The following NRXN1 variants were observed in gnomAD, a reference collection of about 807,000 sequenced individuals.
The protein encoded by NRXN1 is neurexin-1.
A neutral mutation model predicts 150.9 loss-of-function variants in NRXN1; 39 were observed. The ratio of observed to expected loss-of-function variants is 0.26; its 90% confidence interval spans 0.20 to 0.34. NRXN1 has a LOEUF of 0.34. Ranked by LOEUF, NRXN1 falls within the 10% of genes least tolerant of loss-of-function variation. The pLI is 1.00. For synonymous variants in NRXN1, 924 were observed against 757.0 expected (o/e 1.22, Z -3.62); for missense variants, 1,815 against 1,949.9 (o/e 0.93, Z 1.30).
In NRXN1 at chr2:50,260,615, CT is replaced by C. The variant is rs1043417319; in HGVS notation, c.3365-23646del. Among the ~76,000 whole-genome samples, 514 of 123,816 alleles carry C rather than the reference CT, an allele frequency of 4.2e-3. 2 individuals carry two copies. Among genetic ancestry groups the C allele is most frequent in the African/African-American group, 0.012 (399 of 33,300 alleles). 81.2% of individuals were successfully genotyped at this position (123,816 alleles called of 152,430 possible). A position where few individuals can be genotyped will look rare whatever the true frequency, so the allele number is the denominator to read the frequency against. On this transcript the variant is annotated intron_variant, in intron 17 of 22. Transcript: ENST00000401669. Reference sequence around the variant, plus strand: ...ACACCGATGACAAAAGAAGTTCAAGCTTTTTTTTTTTCCGTTTTTTTTTTTT... The same window carrying C: ...ACACCGATGACAAAAGAAGTTCAAGCTTTTTTTTTTCCGTTTTTTTTTTTT...
chr2:50,429,280 G>A (rs924619190), intron 17 of NRXN1, among the ~76,000 whole-genome samples: 2 of 151,518 alleles, frequency 1.3e-5, no homozygotes, highest in African/African-American at 2.4e-5. Context: ...CTTTTGAGAC[G>A]GAGTCCTACT....
intron 5 of NRXN1, among the ~76,000 whole-genome samples, chr2:50,645,834 G>A (rs948636650): frequency 9.2e-5 from 14 of 151,966 alleles, no homozygotes; most frequent in South Asian, 4.2e-4. Context: ...ATGTAAGATC[G>A]AGAATAGCTT....
intron 5 of NRXN1, among the ~76,000 whole-genome samples, chr2:50,748,148 G>A (rs1700210405): frequency 6.6e-6 from 1 of 152,180 alleles, no homozygotes; most frequent in Non-Finnish European, 1.5e-5. Context: ...GATATCAGAG[G>A]TCACACCTCT....
At chr2:50,988,421 A>G (rs1222940479) in intron 2 of NRXN1, among the ~76,000 whole-genome samples, 3 of 151,970 alleles carry the variant, frequency 2.0e-5, no homozygotes, top group African/African-American at 2.4e-5. Context: ...GACAAACTAG[A>G]CAGTTTTGTT....
At chr2:50,619,028 T>A (rs1038710274) in intron 8 of NRXN1, 1 of 152,118 alleles carries the variant, frequency 6.6e-6, no homozygotes, top group Non-Finnish European at 1.5e-5. Context: ...TCAACCAGTA[T>A]GTTCACATAA....
intron 5 of NRXN1, among the ~76,000 whole-genome samples, chr2:50,818,192 G>GT (rs369379043): frequency 0.089 from 12,091 of 135,708 alleles, 591 homozygotes; most frequent in Middle Eastern, 0.17. Flanking sequence ...AAAAACAATT[G>GT]TTTTTTTTTT....
chr2:50,112,435 CAG>C (rs1558903666), intron 18 of NRXN1, among the ~76,000 whole-genome samples: 1 of 152,224 alleles, frequency 6.6e-6, no homozygotes, highest in East Asian at 1.9e-4. Context: ...CTCCGGTAGA[CAG>C]AGACAAATCC....
intron 5 of NRXN1, among the ~76,000 whole-genome samples, chr2:50,766,662 T>A (rs1002760329): frequency 2.7e-4 from 41 of 152,144 alleles, no homozygotes; most frequent in African/African-American, 7.7e-4. Context: ...TGCACTGCTA[T>A]CCTACCACAG....
chr2:50,632,331 T>A (rs1300626587), intron 5 of NRXN1: 1 of 152,000 alleles, frequency 6.6e-6, no homozygotes, highest in Non-Finnish European at 1.5e-5. Flanking sequence ...TAGAATGTAT[T>A]TTTTTAATAT....
chr2:50,308,079 C>T lies in NRXN1; in HGVS notation c.3365-71109G>A, dbSNP rs567629134. ...TAGTCACAGTCACAGTTACCAGTTA[C>T]GGTTACCTTTTTTTGTTGTTGTTGT... On this transcript the variant is annotated intron_variant, in intron 17 of 22. Transcript: ENST00000401669. Among the ~76,000 whole-genome samples the T allele has an allele frequency of 1.3e-4, 20 of 152,196 alleles. No homozygotes were observed. In the East Asian group the frequency reaches 2.7e-3, roughly 21 times the overall value.
chr2:50,471,009 A>C (rs931737092), intron 16 of NRXN1, among the ~76,000 whole-genome samples: 5 of 151,812 alleles, frequency 3.3e-5, no homozygotes, highest in Admixed American at 6.6e-5. Flanking sequence ...TGCCAGGTAC[A>C]CACCAACTGA....
chr2:50,685,382 A>AGG, intron 5 of NRXN1, among the ~76,000 whole-genome samples: 2 of 152,160 alleles, frequency 1.3e-5, no homozygotes, highest in Non-Finnish European at 2.9e-5. Context: ...ATCTGACCTT[A>AGG]CTGCCATATC....
intron 5 of NRXN1, among the ~76,000 whole-genome samples, chr2:50,624,047 T>C (rs954781310): frequency 1.3e-5 from 2 of 152,116 alleles, no homozygotes; most frequent in Admixed American, 1.3e-4. Context: ...TGGTTTTTTG[T>C]CCTTGAGATA....
intron 17 of NRXN1, among the ~76,000 whole-genome samples, chr2:50,290,095 T>C (rs934840220): frequency 2.0e-5 from 3 of 152,172 alleles, no homozygotes; most frequent in African/African-American, 7.2e-5. Flanking sequence ...CCAGACATTT[T>C]ATCTACTTCA....
chr2:50,555,663 C>A (rs1325479532), intron 8 of NRXN1, among the ~76,000 whole-genome samples: 1 of 152,154 alleles, frequency 6.6e-6, no homozygotes, highest in Non-Finnish European at 1.5e-5. Context: ...TCTTCCTTCA[C>A]CTTTTTAAAC....
At chr2:50,278,991 C>T (rs1408320296) in intron 17 of NRXN1, among the ~76,000 whole-genome samples, 1 of 152,160 alleles carries the variant, frequency 6.6e-6, no homozygotes, top group Non-Finnish European at 1.5e-5. Flanking sequence ...CCACTCATTT[C>T]CTCTTCCCAC....
intron 17 of NRXN1, among the ~76,000 whole-genome samples, chr2:50,323,560 C>A: frequency 6.8e-6 from 1 of 146,804 alleles, no homozygotes; most frequent in Middle Eastern, 3.5e-3. Context: ...ACGCAAGTTT[C>A]GGGAAATAAA....
intron 8 of NRXN1, among the ~76,000 whole-genome samples, chr2:50,567,768 C>A (rs1228964198): frequency 6.6e-6 from 1 of 152,050 alleles, no homozygotes; most frequent in Non-Finnish European, 1.5e-5. Flanking sequence ...CTAGAATGCA[C>A]TACTAATTTT....
At chr2:50,443,842 T>C (rs1019194618) in intron 17 of NRXN1, among the ~76,000 whole-genome samples, 2 of 152,206 alleles carry the variant, frequency 1.3e-5, no homozygotes, top group Non-Finnish European at 2.9e-5. Context: ...CTTTATAAAA[T>C]CTGTCCTCTG....
Sources: allele counts gnomAD v4.1 joint callset (sites outside exome capture counted in the v4.1 genomes callset), GRCh38; gene constraint gnomAD v4.1.1; transcripts MANE v1.5; gene names NCBI Gene and HGNC (gene_info 2026-07-23, HGNC 2026-07-21).